The following SPON1 variants were observed in gnomAD, a reference collection of about 807,000 sequenced individuals.
SPON1 encodes the protein spondin 1, also known as spondin-1.
Under a neutral mutation model 111.7 loss-of-function variants are expected in SPON1, and 52 were observed. That is an observed-to-expected ratio of 0.47 (90% CI 0.37 to 0.59). The LOEUF (loss-of-function observed/expected upper bound fraction) is 0.59. Ranked by LOEUF, SPON1 falls within the 20% of genes least tolerant of loss-of-function variation. The pLI is 0.00. For synonymous variants in SPON1, 410 were observed against 395.8 expected (o/e 1.04, Z -0.43); for missense variants, 957 against 1,068.5 (o/e 0.90, Z 1.46).
intron 6 of SPON1, among the ~76,000 whole-genome samples, chr11:14,168,913 TG>T (rs1848065291): frequency 6.6e-6 from 1 of 152,212 alleles, no homozygotes; most frequent in African/African-American, 2.4e-5. Flanking sequence ...GTTGAACATT[TG>T]GGTTGGTTCC....
At chr11:14,139,055 G>A (rs1847622443) in intron 6 of SPON1, among the ~76,000 whole-genome samples, 2 of 152,108 alleles carry the variant, frequency 1.3e-5, no homozygotes, top group Admixed American at 6.6e-5. Context: ...CACTTAAAAT[G>A]TTTAATAGCT....
chr11:14,078,625 C>G (rs1554921721), intron 4 of SPON1, among the ~76,000 whole-genome samples: 2 of 152,168 alleles, frequency 1.3e-5, no homozygotes, highest in African/African-American at 2.4e-5. Flanking sequence ...GACCTGGCCT[C>G]CAGTTCTGCC....
chr11:13,995,938 T>C (rs1848268644), intron 2 of SPON1, among the ~76,000 whole-genome samples: 1 of 152,148 alleles, frequency 6.6e-6, no homozygotes, highest in African/African-American at 2.4e-5. Flanking sequence ...TTGCAGAAAG[T>C]GGGTAGTGAG....
At chr11:14,248,472 C>T (rs922253758) in intron 7 of SPON1, among the ~76,000 whole-genome samples, 7 of 152,106 alleles carry the variant, frequency 4.6e-5, no homozygotes, top group Admixed American at 6.5e-5. Context: ...CTGAGGCCTC[C>T]GTGGAACAAA....
intron 5 of SPON1, among the ~76,000 whole-genome samples, chr11:14,095,253 G>A (rs1315303491): frequency 2.0e-5 from 3 of 152,002 alleles, no homozygotes; most frequent in Non-Finnish European, 4.4e-5. Flanking sequence ...ATAAAACCAA[G>A]CATTTCTGGG....
intron 6 of SPON1, among the ~76,000 whole-genome samples, chr11:14,142,963 C>T (rs183445781): frequency 6.6e-5 from 10 of 152,316 alleles, no homozygotes; most frequent in African/African-American, 2.2e-4. Flanking sequence ...TTTCCATGCC[C>T]TTCCATGCAA....
chr11:14,251,330 C>T (rs1849050959), intron 7 of SPON1, among the ~76,000 whole-genome samples: 1 of 152,240 alleles, frequency 6.6e-6, no homozygotes. Context: ...GTTTCCCACA[C>T]CTTGAAACAC....
chr11:14,244,349 C>G (rs1272135411), intron 7 of SPON1, among the ~76,000 whole-genome samples: 1 of 152,096 alleles, frequency 6.6e-6, no homozygotes, highest in African/African-American at 2.4e-5. Context: ...GAAACTCAGT[C>G]TCTACTAAAA....
At chr11:14,057,838 A>AAAAAAAAAAAAAAAAAAAC (rs1318170668) in intron 3 of SPON1, among the ~76,000 whole-genome samples, 2 of 117,742 alleles carry the variant, frequency 1.7e-5, no homozygotes, top group African/African-American at 6.9e-5. Flanking sequence ...CTACAAAAAA[A>AAAAAAAAAAAAAAAAAAAC]AAAAACAAAA....
At chr11:14,054,152 C>T (rs542503215) in intron 3 of SPON1, among the ~76,000 whole-genome samples, 157 of 152,332 alleles carry the variant, frequency 1.0e-3, no homozygotes, top group Non-Finnish European at 1.4e-3. Flanking sequence ...ATTTCAGCTA[C>T]ATTTTTCCTT....
At position 14,113,604 on chromosome 11, in the gene SPON1, T is replaced by A. The variant is rs1554925684; in HGVS notation, c.677-21816T>A. On this transcript the variant is annotated intron_variant, in intron 5 of 15. Transcript: ENST00000576479. ...TTTTTTTTTTTTTTTTTTTTTTTTTTTTTTTTTTTTTTTTTTGAGACGGAG... is the reference window on the plus strand; with the variant it reads ...TTTTTTTTTTTTTTTTTTTTTTTTTATTTTTTTTTTTTTTTTGAGACGGAG... Among the ~76,000 whole-genome samples, 22 of 71,616 alleles carry A rather than the reference T, an allele frequency of 3.1e-4. 1 individual carries two copies. The highest frequency in any genetic ancestry group is 9.2e-4 in the African/African-American group (16 of 17,428). The allele number at this position is 71,616 out of a possible 152,430, so 47.0% of individuals were successfully genotyped here.
At chr11:14,240,029 G>A (rs1380623926) in intron 6 of SPON1, among the ~76,000 whole-genome samples, 1 of 152,140 alleles carries the variant, frequency 6.6e-6, no homozygotes, top group African/African-American at 2.4e-5. Flanking sequence ...TTGGATGTAT[G>A]AGCAAATAAA....
rs565711891 is a variant in SPON1, at chr11:13,995,306, G to A, written c.345+12353G>A. ...TGAATAAATAAGACATGGTATGTTA[G>A]TCTGTTTTCACACTGCTATAAAGAT... On this transcript the variant is annotated intron_variant, in intron 2 of 15. Transcript: ENST00000576479. Among the ~76,000 whole-genome samples the A allele has an allele frequency of 3.9e-5, 6 of 152,260 alleles. No individual in the cohort carries two copies. In the South Asian group the frequency reaches 1.0e-3, roughly 26 times the overall value.
chr11:14,055,548 C>T (rs782520531), intron 3 of SPON1, among the ~76,000 whole-genome samples: 14 of 152,206 alleles, frequency 9.2e-5, no homozygotes, highest in Non-Finnish European at 1.6e-4. Flanking sequence ...GCCAGGTTAA[C>T]GTCCCAAGAA....
At chr11:14,184,456 A>C (rs1450119715) in intron 6 of SPON1, among the ~76,000 whole-genome samples, 1 of 152,134 alleles carries the variant, frequency 6.6e-6, no homozygotes, top group Non-Finnish European at 1.5e-5. Context: ...AATTGCTATT[A>C]CCTCTGAAGC....
chr11:14,210,382 T>G (rs150501401), intron 6 of SPON1, among the ~76,000 whole-genome samples: 3,791 of 151,642 alleles, frequency 0.025, 97 homozygotes, highest in Non-Finnish European at 0.04. Context: ...CCTTTTTTTT[T>G]TTTTTTGTTT....
chr11:14,108,682 A>G (rs990405576), intron 5 of SPON1, among the ~76,000 whole-genome samples: 2 of 152,168 alleles, frequency 1.3e-5, no homozygotes, highest in Non-Finnish European at 2.9e-5. Flanking sequence ...CAAATAAAAT[A>G]TATCCATTTC....
intron 6 of SPON1, among the ~76,000 whole-genome samples, chr11:14,174,147 A>T (rs1008561556): frequency 9.1e-4 from 138 of 152,216 alleles, no homozygotes; most frequent in Non-Finnish European, 2.9e-4. Context: ...CCCCAAAAGG[A>T]GGGAAAGACT....
intron 5 of SPON1, among the ~76,000 whole-genome samples, chr11:14,094,237 G>A (rs1265975485): frequency 2.0e-5 from 3 of 149,172 alleles, no homozygotes; most frequent in East Asian, 2.0e-4. Context: ...GCCACACAAC[G>A]CTTGGTACTT....
Sources: gnomAD v4.1 joint callset for allele counts (sites outside exome capture counted in the v4.1 genomes callset) on GRCh38, gnomAD v4.1.1 for gene constraint, MANE v1.5 for transcripts, NCBI Gene and HGNC (gene_info 2026-07-23, HGNC 2026-07-21) for gene names.